The following SMCO4 variants were observed in gnomAD, a reference collection of about 807,000 sequenced individuals.
The protein encoded by SMCO4 is single-pass membrane and coiled-coil domain-containing protein 4.
SMCO4 carries 4 observed loss-of-function variants against 3.6 expected under a neutral mutation model. The ratio of observed to expected loss-of-function variants is 1.11; its 90% CI spans 0.54 to 2.53. The LOEUF (loss-of-function observed/expected upper bound fraction) is 2.53, where lower values mean the gene tolerates loss of function less well. SMCO4 is among the 30% of genes most tolerant of loss of function. The probability of loss-of-function intolerance (pLI) is 0.02; values close to 1 mark genes in which losing one functional copy is unlikely to be tolerated. For missense variants in SMCO4, 70 were observed against 80.8 expected (o/e 0.87, Z 0.51); for synonymous variants, 36 against 35.3 (o/e 1.02, Z -0.07).
At chr11:93,512,632 G>A (rs188457126) in intron 1 of SMCO4, among the ~76,000 whole-genome samples, 1 of 152,326 alleles carries the variant, frequency 6.6e-6, no homozygotes, top group East Asian at 1.9e-4. Flanking sequence ...GCAACATGCT[G>A]TAAAGGTTTG....
At chr11:93,483,263 G>T (rs1023590379) in intron 2 of SMCO4, among the ~76,000 whole-genome samples, 2 of 152,158 alleles carry the variant, frequency 1.3e-5, no homozygotes, top group Admixed American at 6.5e-5. Flanking sequence ...GGCCACCACA[G>T]AGCACTGTCC....
chr11:93,478,756 C>CACACAA lies in SMCO4; in HGVS notation c.*253_*254insTTGTGT. 9.8e-6 allele frequency: 9 copies of CACACAA among 914,238 alleles called. No homozygotes were observed. The highest frequency in any genetic ancestry group is 1.2e-5 in the Non-Finnish European group (8 of 676,964). The allele number at this position is 914,238 out of a possible 1,614,324, so 56.6% of individuals were successfully genotyped here. ...ACACACACACACACACACACACATG[C>CACACAA]GCGCGCGCTTTGAAGTCTGAAAGGC... On this transcript the variant is annotated 3_prime_UTR_variant, in exon 3 of 3. Transcript: ENST00000298966.
chr11:93,509,754 G>A (rs1948941535), intron 1 of SMCO4, among the ~76,000 whole-genome samples: 1 of 152,150 alleles, frequency 6.6e-6, no homozygotes, highest in East Asian at 1.9e-4. Flanking sequence ...ACTCATAATT[G>A]GGAGCTAAGC....
chr11:93,482,602 C>T (rs1222097909), intron 2 of SMCO4, among the ~76,000 whole-genome samples: 1 of 152,162 alleles, frequency 6.6e-6, no homozygotes, highest in Admixed American at 6.5e-5. Context: ...AGGAGTGAGG[C>T]AAAAGAGAAC....
At chr11:93,502,388 T>A (rs1057294326) in intron 1 of SMCO4, among the ~76,000 whole-genome samples, 2 of 152,032 alleles carry the variant, frequency 1.3e-5, no homozygotes, top group African/African-American at 4.8e-5. Flanking sequence ...GAGAAGGCAC[T>A]GGGGTGACTT....
chr11:93,496,021 C>T (rs1948768358), intron 2 of SMCO4, among the ~76,000 whole-genome samples: 1 of 152,166 alleles, frequency 6.6e-6, no homozygotes, highest in African/African-American at 2.4e-5. Flanking sequence ...GGGGCCCAGA[C>T]AGTGCAGTCC....
At chr11:93,510,786 A>C (rs1300327659) in intron 1 of SMCO4, among the ~76,000 whole-genome samples, 2 of 152,202 alleles carry the variant, frequency 1.3e-5, no homozygotes, top group African/African-American at 4.8e-5. Context: ...AGAGCAGCAC[A>C]CTGGGGATCC....
intron 2 of SMCO4, among the ~76,000 whole-genome samples, chr11:93,494,713 GAACT>G (rs1351140652): frequency 6.6e-6 from 1 of 152,194 alleles, no homozygotes; most frequent in African/African-American, 2.4e-5. Context: ...ACACCCATTA[GAACT>G]AATAAAAGGA....
At chr11:93,516,026 G>A (rs1949005015) in intron 1 of SMCO4, among the ~76,000 whole-genome samples, 1 of 152,184 alleles carries the variant, frequency 6.6e-6, no homozygotes, top group African/African-American at 2.4e-5. Context: ...TTCATTTGGG[G>A]CAGGGAAAGG....
intron 1 of SMCO4, among the ~76,000 whole-genome samples, chr11:93,507,324 C>T (rs1316094971): frequency 2.6e-5 from 4 of 152,112 alleles, no homozygotes; most frequent in Admixed American, 6.6e-5. Flanking sequence ...CACTTGAACC[C>T]GGGAAGCGGA....
At chr11:93,519,226 T>C (rs1949035824) in intron 1 of SMCO4, among the ~76,000 whole-genome samples, 1 of 152,064 alleles carries the variant, frequency 6.6e-6, no homozygotes. Context: ...AGTGGCAAGA[T>C]GGGAATGCAG....
intron 1 of SMCO4, among the ~76,000 whole-genome samples, chr11:93,540,705 C>T (rs1949264428): frequency 6.6e-6 from 1 of 152,154 alleles, no homozygotes; most frequent in African/African-American, 2.4e-5. Context: ...CTCACTCCTA[C>T]CTCACAATGC....
intron 1 of SMCO4, among the ~76,000 whole-genome samples, chr11:93,534,774 G>A (rs1949203542): frequency 6.6e-6 from 1 of 152,118 alleles, no homozygotes; most frequent in South Asian, 2.1e-4. Flanking sequence ...CCACTGGACA[G>A]CCCAGCCTGC....
chr11:93,495,789 G>T (rs1449849498), intron 2 of SMCO4, among the ~76,000 whole-genome samples: 1 of 152,166 alleles, frequency 6.6e-6, no homozygotes, highest in Non-Finnish European at 1.5e-5. Flanking sequence ...CTGTGTTCTA[G>T]GAGTTGTTAT....
intron 1 of SMCO4, among the ~76,000 whole-genome samples, chr11:93,511,303 T>C (rs1772162226): frequency 6.6e-6 from 1 of 152,182 alleles, no homozygotes; most frequent in African/African-American, 2.4e-5. Flanking sequence ...AGTTAGGTTT[T>C]CCCTGACTGT....
At chr11:93,510,223 C>T (rs187555410) in intron 1 of SMCO4, among the ~76,000 whole-genome samples, 140 of 152,276 alleles carry the variant, frequency 9.2e-4, no homozygotes, top group Middle Eastern at 3.4e-3. Context: ...TAGTTATGAC[C>T]GCAGGGCCAA....
intron 1 of SMCO4, among the ~76,000 whole-genome samples, chr11:93,521,837 G>A (rs937675709): frequency 3.9e-5 from 6 of 152,154 alleles, no homozygotes; most frequent in African/African-American, 1.2e-4. Flanking sequence ...CAAGGACTTC[G>A]CAATCTAGCC....
At chr11:93,528,065 T>C (rs1276097702) in intron 1 of SMCO4, among the ~76,000 whole-genome samples, 2 of 151,928 alleles carry the variant, frequency 1.3e-5, no homozygotes, top group Non-Finnish European at 2.9e-5. Context: ...TTAATTATCA[T>C]TAATAATTTT....
chr11:93,522,624 T>C (rs1156339244), intron 1 of SMCO4, among the ~76,000 whole-genome samples: 2 of 152,276 alleles, frequency 1.3e-5, no homozygotes, highest in Non-Finnish European at 2.9e-5. Context: ...TCCGCCATTG[T>C]AGAGCTTGCT....
Sources: gnomAD v4.1 joint callset for allele counts (sites outside exome capture counted in the v4.1 genomes callset) on GRCh38, gnomAD v4.1.1 for gene constraint, MANE v1.5 for transcripts, NCBI Gene and HGNC (gene_info 2026-07-23, HGNC 2026-07-21) for gene names.